PRKCA: variants seen among roughly 807,000 people sequenced by gnomAD.
PRKCA encodes protein kinase C alpha, also known as protein kinase C alpha type.
PRKCA carries 27 observed loss-of-function variants against 87.0 expected under a neutral mutation model. That is an observed-to-expected ratio of 0.31 (90% CI 0.23 to 0.43). The LOEUF (loss-of-function observed/expected upper bound fraction) is 0.43. PRKCA is among the 20% of genes least tolerant of loss of function. PRKCA has a pLI of 1.00. For missense variants in PRKCA, 518 were observed against 852.3 expected (o/e 0.61, Z 4.88); for synonymous variants, 329 against 311.1 (o/e 1.06, Z -0.61).
intron 8 of PRKCA, among the ~76,000 whole-genome samples, chr17:66,696,814 T>C (rs1396672381): frequency 5.9e-5 from 9 of 152,236 alleles, no homozygotes; most frequent in Non-Finnish European, 1.2e-4. Flanking sequence ...AGTTCATCTC[T>C]GTTTTCACCC....
At chr17:66,441,019 G>A (rs79912797) in intron 2 of PRKCA, among the ~76,000 whole-genome samples, 53 of 151,826 alleles carry the variant, frequency 3.5e-4, no homozygotes, top group African/African-American at 6.3e-4. Context: ...AAAATTAGCC[G>A]GGCGTGGTAG....
At chr17:66,728,881 A>G (rs561742740) in intron 8 of PRKCA, among the ~76,000 whole-genome samples, 26 of 152,356 alleles carry the variant, frequency 1.7e-4, no homozygotes, top group African/African-American at 6.0e-4. Context: ...ATTCGTTGGT[A>G]GTATGAACCG....
intron 3 of PRKCA, among the ~76,000 whole-genome samples, chr17:66,628,495 CT>C (rs1970920156): frequency 2.6e-5 from 4 of 152,102 alleles, no homozygotes; most frequent in South Asian, 4.1e-4. Context: ...GCCTCTCTCT[CT>C]TTTTTTCTCT....
At chr17:66,478,463 A>G (rs1915629914) in intron 2 of PRKCA, among the ~76,000 whole-genome samples, 2 of 152,152 alleles carry the variant, frequency 1.3e-5, no homozygotes, top group South Asian at 4.2e-4. Flanking sequence ...CATGTTGGTC[A>G]GGCTGGTCTT....
chr17:66,778,216 T>C lies in PRKCA; in HGVS notation c.1605+4149T>C, dbSNP rs144007611. The C allele has an allele frequency of 1.0e-4, 98 of 984,888 alleles. No homozygotes were observed. In the East Asian group the frequency reaches 8.4e-3, roughly 84 times the overall value. The allele number at this position is 984,888 out of a possible 1,614,324, so 61.0% of individuals were successfully genotyped here. A position where few individuals can be genotyped will look rare whatever the true frequency, so the allele number is the denominator to read the frequency against. Reference sequence around the variant, plus strand: ...CATACTTTCAGGTCTCCATCATCTCTATTAAAAACGGTGATGGCTGGGCCC... The same window carrying C: ...CATACTTTCAGGTCTCCATCATCTCCATTAAAAACGGTGATGGCTGGGCCC... On this transcript the variant is annotated intron_variant, in intron 14 of 16. Coordinates refer to ENST00000413366, the MANE Select transcript of PRKCA (RefSeq NM_002737.3).
At chr17:66,793,935 A>T (rs1598949603) in intron 16 of PRKCA, among the ~76,000 whole-genome samples, 1 of 152,252 alleles carries the variant, frequency 6.6e-6, no homozygotes, top group Admixed American at 6.5e-5. Context: ...ATGGCCAAGA[A>T]CAGCCTTCAA....
intron 2 of PRKCA, among the ~76,000 whole-genome samples, chr17:66,432,090 A>G (rs917337187): frequency 3.3e-5 from 5 of 152,182 alleles, no homozygotes; most frequent in African/African-American, 1.2e-4. Context: ...ATTTGCAACA[A>G]CAAGGTAAAT....
intron 3 of PRKCA, among the ~76,000 whole-genome samples, chr17:66,519,798 C>T (rs999579789): frequency 3.3e-5 from 5 of 152,212 alleles, no homozygotes; most frequent in African/African-American, 1.2e-4. Flanking sequence ...GCGGCTGGGG[C>T]CTGGCATTCT....
At chr17:66,801,690 C>T (rs1975902762) in intron 16 of PRKCA, among the ~76,000 whole-genome samples, 1 of 152,208 alleles carries the variant, frequency 6.6e-6, no homozygotes. Flanking sequence ...CAAGGAAATA[C>T]ACCATGGAAA....
At chr17:66,786,690 C>T (rs1009674495) in intron 14 of PRKCA, among the ~76,000 whole-genome samples, 177 bp from the exon 15 acceptor site, 1 of 152,224 alleles carries the variant, frequency 6.6e-6, no homozygotes, top group Admixed American at 6.5e-5. Context: ...AACACACAAC[C>T]GTCAATCTCA....
At chr17:66,324,680 A>C (rs1244868541) in intron 2 of PRKCA, among the ~76,000 whole-genome samples, 1 of 152,196 alleles carries the variant, frequency 6.6e-6, no homozygotes, top group Non-Finnish European at 1.5e-5. Context: ...AATGTGATAA[A>C]AAAAGCAGTA....
chr17:66,780,818 G>A (rs1056476450), intron 14 of PRKCA, among the ~76,000 whole-genome samples: 26 of 152,032 alleles, frequency 1.7e-4, no homozygotes, highest in African/African-American at 5.5e-4. Flanking sequence ...GTTTAAAATA[G>A]GGCTTCAGGC....
chr17:66,739,366 C>T (rs1974105955), intron 11 of PRKCA, among the ~76,000 whole-genome samples: 1 of 152,156 alleles, frequency 6.6e-6, no homozygotes, highest in Non-Finnish European at 1.5e-5. Context: ...GAGATGTTGC[C>T]ATATCCCATC....
chr17:66,758,817 T>C (rs916366143), intron 13 of PRKCA, among the ~76,000 whole-genome samples: 1 of 152,216 alleles, frequency 6.6e-6, no homozygotes, highest in African/African-American at 2.4e-5. Flanking sequence ...GAGTTAAGTT[T>C]ATGATTATGA....
chr17:66,650,014 A>G (rs1971550181), intron 5 of PRKCA, among the ~76,000 whole-genome samples: 1 of 152,304 alleles, frequency 6.6e-6, no homozygotes, highest in South Asian at 2.1e-4. Context: ...TGAGAACACA[A>G]ATATAAACCA....
chr17:66,605,569 A>T (rs1482222823), intron 3 of PRKCA, among the ~76,000 whole-genome samples: 1 of 152,250 alleles, frequency 6.6e-6, no homozygotes, highest in African/African-American at 2.4e-5. Context: ...TAAAGTTGCC[A>T]TAAGACCCAA....
chr17:66,397,298 G>A (rs1440886362), intron 2 of PRKCA, among the ~76,000 whole-genome samples: 1 of 21,100 alleles, frequency 4.7e-5, no homozygotes, highest in Non-Finnish European at 1.3e-4. Flanking sequence ...TTTTTTTTTA[G>A]GGCTTTTGAT....
intron 3 of PRKCA, among the ~76,000 whole-genome samples, chr17:66,566,159 C>A (rs1968883419): frequency 6.6e-6 from 1 of 152,168 alleles, no homozygotes; most frequent in Admixed American, 6.5e-5. Flanking sequence ...CTAAGATGCA[C>A]TCTTGAACAC....
intron 3 of PRKCA, among the ~76,000 whole-genome samples, chr17:66,567,303 G>A (rs1451277003): frequency 6.6e-6 from 1 of 152,220 alleles, no homozygotes; most frequent in Non-Finnish European, 1.5e-5. Flanking sequence ...GTGTTGTGCA[G>A]TGGCACCGAA....
Sources: allele counts gnomAD v4.1 joint callset (sites outside exome capture counted in the v4.1 genomes callset), GRCh38; gene constraint gnomAD v4.1.1; transcripts MANE v1.5; gene names NCBI Gene and HGNC (gene_info 2026-07-23, HGNC 2026-07-21).